The following ANKS1B variants were observed in gnomAD, a reference collection of about 807,000 sequenced individuals.
The protein encoded by ANKS1B is ankyrin repeat and sterile alpha motif domain-containing protein 1B.
In ANKS1B, 36 loss-of-function variants were observed where a neutral mutation model predicts 148.3. The ratio of observed to expected loss-of-function variants is 0.24; its 90% CI spans 0.19 to 0.32. The LOEUF is 0.32. Among genes scored for constraint, ANKS1B ranks in the 10% least tolerant of loss-of-function variants. The probability of loss-of-function intolerance (pLI) is 1.00; values close to 1 mark genes in which losing one functional copy is unlikely to be tolerated. For synonymous variants in ANKS1B, 542 were observed against 560.8 expected (o/e 0.97, Z 0.47); for missense variants, 1,157 against 1,542.6 (o/e 0.75, Z 4.19).
intron 8 of ANKS1B, among the ~76,000 whole-genome samples, chr12:99,696,978 G>C (rs921354581): frequency 6.6e-6 from 1 of 152,168 alleles, no homozygotes; most frequent in Non-Finnish European, 1.5e-5. Context: ...TGCATGAAAA[G>C]ATGCGAATAC....
At chr12:99,734,857 T>A (rs1247375928) in intron 8 of ANKS1B, among the ~76,000 whole-genome samples, 1 of 152,176 alleles carries the variant, frequency 6.6e-6, no homozygotes, top group African/African-American at 2.4e-5. Context: ...TCAGTTATCA[T>A]CTTAACCAAG....
At chr12:99,572,161 C>T (rs1208028559) in intron 9 of ANKS1B, among the ~76,000 whole-genome samples, 1 of 151,718 alleles carries the variant, frequency 6.6e-6, no homozygotes, top group South Asian at 2.1e-4. Context: ...GATGGAGGTC[C>T]CTTACAGCTA....
intron 4 of ANKS1B, among the ~76,000 whole-genome samples, chr12:99,795,429 A>C (rs1229599033): frequency 4.6e-5 from 7 of 151,990 alleles, no homozygotes; most frequent in Non-Finnish European, 8.8e-5. Flanking sequence ...ACTACCTTCT[A>C]AAAATGAGAG....
In ANKS1B at chr12:98,743,981, C is replaced by A; in HGVS notation, c.*1758G>T. The stretch of plus-strand genomic sequence containing the variant: ...AACGATGCCAAGCACCACTGCTGTA[C>A]AACTTCTGTTTTATTTTTGTGTGCT... On this transcript the variant is annotated 3_prime_UTR_variant, in exon 27 of 27. Coordinates refer to ENST00000683438, the MANE Select transcript of ANKS1B (RefSeq NM_001352186.2). 1.0e-6 allele frequency: 1 copy of A among 982,352 alleles called. No individual in the cohort carries two copies. Among genetic ancestry groups the A allele is most frequent in the Non-Finnish European group, 1.2e-6 (1 of 827,158 alleles). The allele number at this position is 982,352 out of a possible 1,614,324, so 60.9% of individuals were successfully genotyped here.
At chr12:99,909,629 A>G (rs1334134428) in intron 1 of ANKS1B, among the ~76,000 whole-genome samples, 1 of 152,072 alleles carries the variant, frequency 6.6e-6, no homozygotes, top group African/African-American at 2.4e-5. Context: ...CTATTTTTCC[A>G]TATTATAACT....
intron 26 of ANKS1B, among the ~76,000 whole-genome samples, chr12:98,748,994 T>C (rs1053537594): frequency 6.6e-6 from 1 of 152,218 alleles, no homozygotes; most frequent in African/African-American, 2.4e-5. Flanking sequence ...GCTTGTGAAA[T>C]CCATCCACAG....
chr12:99,769,729 G>A (rs1021091932), intron 8 of ANKS1B, among the ~76,000 whole-genome samples: 3 of 152,176 alleles, frequency 2.0e-5, no homozygotes, highest in Non-Finnish European at 4.4e-5. Context: ...GGGTTATTGT[G>A]AGGATTAAAT....
chr12:98,975,146 C>T (rs111065533), intron 17 of ANKS1B, among the ~76,000 whole-genome samples: 12,804 of 142,558 alleles, frequency 0.09, 1,402 homozygotes, highest in African/African-American at 0.24. Flanking sequence ...TTCTTCTTTC[C>T]TCCCTCTCTT....
In ANKS1B at chr12:99,459,413, A is replaced by G. The variant is rs145317576; in HGVS notation, c.1439-15604T>C. 4.9e-3 allele frequency among the ~76,000 whole-genome samples: 753 copies of G among 152,216 alleles called. 2 individuals are homozygous for G. The highest frequency in any genetic ancestry group is 8.0e-3 in the Non-Finnish European group (546 of 67,970). ...AGTACTGGAAGTCCTAGCCAGAGAAATCAGATAAAAGAAAGAAATAAAGGC... is the reference window on the plus strand; with the variant it reads ...AGTACTGGAAGTCCTAGCCAGAGAAGTCAGATAAAAGAAAGAAATAAAGGC... On this transcript the variant is annotated intron_variant, in intron 10 of 26. Transcript: ENST00000683438.
intron 11 of ANKS1B, among the ~76,000 whole-genome samples, chr12:99,441,056 TATC>T (rs1236032636): frequency 6.6e-6 from 1 of 151,906 alleles, no homozygotes; most frequent in Non-Finnish European, 1.5e-5. Context: ...AAAGTGAAAT[TATC>T]ATTTCAATCA....
chr12:98,978,918 C>T (rs2099903370), intron 17 of ANKS1B, among the ~76,000 whole-genome samples: 1 of 152,044 alleles, frequency 6.6e-6, no homozygotes. Flanking sequence ...CCGAGACAGG[C>T]AGATCATGAG....
intron 16 of ANKS1B, among the ~76,000 whole-genome samples, chr12:99,062,562 G>C (rs749632913): frequency 5.4e-4 from 82 of 152,260 alleles, no homozygotes; most frequent in Non-Finnish European, 9.7e-4. Flanking sequence ...ATGCTGCAGA[G>C]ACGTCTAATA....
rs1491115858 is a variant in ANKS1B at position 98,807,508 on chromosome 12, A to ATG, written c.3141+334_3141+335dup. Reference sequence around the variant, plus strand: ...GGGGAGGAATAATGCTGATATATACATGTGTGTATATATATATATATCAAT... The same window carrying ATG: ...GGGGAGGAATAATGCTGATATATACATGTGTGTGTATATATATATATATCAAT... On this transcript the variant is annotated intron_variant, in intron 20 of 26. Transcript: ENST00000683438. Among the ~76,000 whole-genome samples the ATG allele has an allele frequency of 1.6e-4, 24 of 150,098 alleles. 1 individual carries two copies. The Middle Eastern group carries it at 0.017, about 109-fold the overall frequency.
intron 14 of ANKS1B, among the ~76,000 whole-genome samples, chr12:99,189,777 G>T (rs2080394507): frequency 6.6e-6 from 1 of 152,122 alleles, no homozygotes; most frequent in South Asian, 2.1e-4. Context: ...TAGAAAATGG[G>T]CACAAGAGAA....
At chr12:99,646,523 A>G (rs189960347) in intron 9 of ANKS1B, among the ~76,000 whole-genome samples, 14 of 151,916 alleles carry the variant, frequency 9.2e-5, no homozygotes, top group South Asian at 2.1e-4. Context: ...GCGTGGTGGC[A>G]CACGCCTGTA....
At chr12:99,763,069 A>G (rs562262231) in intron 8 of ANKS1B, among the ~76,000 whole-genome samples, 54 of 152,254 alleles carry the variant, frequency 3.5e-4, no homozygotes, top group South Asian at 8.3e-4. Context: ...TTCAGCTACT[A>G]TAGAAATAGT....
chr12:99,911,039 A>AT (rs148891546), intron 1 of ANKS1B, among the ~76,000 whole-genome samples: 14,630 of 152,174 alleles, frequency 0.096, 813 homozygotes, highest in African/African-American at 0.14. Flanking sequence ...TTAACATATT[A>AT]TTTTTTATAA....
intron 1 of ANKS1B, among the ~76,000 whole-genome samples, chr12:99,972,005 G>A (rs2095565199): frequency 6.6e-6 from 1 of 152,050 alleles, no homozygotes; most frequent in Non-Finnish European, 1.5e-5. Flanking sequence ...GTCACATGTT[G>A]GTAATTCTCA....
chr12:99,915,394 G>A (rs1190676694), intron 1 of ANKS1B, among the ~76,000 whole-genome samples: 1 of 152,178 alleles, frequency 6.6e-6, no homozygotes, highest in Non-Finnish European at 1.5e-5. Flanking sequence ...GTGCTGAGCT[G>A]AGGCATGGGG....
Sources: allele counts gnomAD v4.1 joint callset (sites outside exome capture counted in the v4.1 genomes callset), GRCh38; gene constraint gnomAD v4.1.1; transcripts MANE v1.5; gene names NCBI Gene and HGNC (gene_info 2026-07-23, HGNC 2026-07-21).